Variants in PAPPA observed in about 807,000 individuals in gnomAD.
PAPPA encodes the protein pappalysin-1.
Under a neutral mutation model 164.0 loss-of-function variants are expected in PAPPA, and 60 were observed. The ratio of observed to expected loss-of-function variants is 0.37; its 90% confidence interval spans 0.30 to 0.45. PAPPA has a LOEUF of 0.45. Ranked by LOEUF, PAPPA falls within the 20% of genes least tolerant of loss-of-function variation. The pLI, the probability that PAPPA is intolerant of heterozygous loss-of-function variation, is 1.00. For missense variants in PAPPA, 1,782 were observed against 2,087.3 expected, an observed-to-expected ratio of 0.85 and a Z score of 2.85; for synonymous variants, 875 against 814.1, an observed-to-expected ratio of 1.07 and a Z score of -1.27.
chr9:116,305,284 A>G (rs2118896688), intron 10 of PAPPA, among the ~76,000 whole-genome samples: 1 of 152,266 alleles, frequency 6.6e-6, no homozygotes, highest in Non-Finnish European at 1.5e-5. Flanking sequence ...ATTACCTTGT[A>G]CAGTGATTAG....
At chr9:116,214,305 C>T (rs2118691127) in intron 4 of PAPPA, among the ~76,000 whole-genome samples, 1 of 152,184 alleles carries the variant, frequency 6.6e-6, no homozygotes, top group Admixed American at 6.5e-5. Context: ...GTGTGACATG[C>T]CGGACACTGT....
At position 116,154,205 on chromosome 9, in the gene PAPPA, G is replaced by T; in HGVS notation, c.33G>T (p.Gly11=). 2 of 1,479,920 alleles carry T rather than the reference G, an allele frequency of 1.4e-6. No homozygotes were observed. Among genetic ancestry groups the T allele is most frequent in the South Asian group, 1.2e-5 (1 of 82,780 alleles). The allele number at this position is 1,479,920 out of a possible 1,614,324, so 91.7% of individuals were successfully genotyped here. A position where few individuals can be genotyped will look rare whatever the true frequency, so the allele number is the denominator to read the frequency against. ...TCTGGAGTTGGGTGCTGCACCTGGG[G>T]CTGCTGAGCGCCGCGCTGGGCTGCG... The part of the protein sequence containing the change: MRLWSWVLHL[G]LLSAALGCGL... The change falls in exon 1 of 22, where the codon GGG becomes GGT. Residue 11 remains glycine, a synonymous_variant. Transcript: ENST00000328252. This position sits in a 1 kb window ranked among gnomAD's most constrained non-coding sequence, Gnocchi z 5.2.
At chr9:116,160,834 G>A (rs972148148) in intron 1 of PAPPA, among the ~76,000 whole-genome samples, 3 of 152,212 alleles carry the variant, frequency 2.0e-5, no homozygotes, top group Non-Finnish European at 4.4e-5. Context: ...GCTGAGAACC[G>A]ACTTGTAAGT....
intron 1 of PAPPA, among the ~76,000 whole-genome samples, chr9:116,171,517 T>C (rs1352827059): frequency 7.3e-6 from 1 of 136,776 alleles, no homozygotes. Flanking sequence ...CTGTCCACCC[T>C]TACAAAGCCC....
In PAPPA at chr9:116,154,622, C is replaced by G; in HGVS notation, c.415+35C>G. 2 of 1,289,844 alleles carry G rather than the reference C, an allele frequency of 1.6e-6. No homozygotes were observed. Among genetic ancestry groups the G allele is most frequent in the African/African-American group, 1.5e-5 (1 of 64,668 alleles). 79.9% of individuals were successfully genotyped at this position (1,289,844 alleles called of 1,614,324 possible). On this transcript the variant is annotated intron_variant, in intron 1 of 21. Coordinates refer to ENST00000328252, the MANE Select transcript of PAPPA (RefSeq NM_002581.5). This position sits in a 1 kb window ranked among gnomAD's most constrained non-coding sequence, Gnocchi z 5.2. ...GGCGCCTCGGCGGGCGCTGCACCGT[C>G]CCTGCGGCCCCAGAGGCTCGCGGGT... is the stretch of plus-strand genomic sequence containing the variant.
chr9:116,196,891 C>G (rs964929124), intron 2 of PAPPA, among the ~76,000 whole-genome samples: 5 of 152,198 alleles, frequency 3.3e-5, no homozygotes, highest in Non-Finnish European at 7.3e-5. Flanking sequence ...AACTGCAGCT[C>G]TTAGCCTTGA....
intron 2 of PAPPA, among the ~76,000 whole-genome samples, chr9:116,192,957 T>C (rs1844061055): frequency 6.6e-6 from 1 of 152,140 alleles, no homozygotes; most frequent in African/African-American, 2.4e-5. Context: ...GTTTGGACCC[T>C]TCCAAACCCT....
chr9:116,200,154 G>A (rs948460173), intron 2 of PAPPA, among the ~76,000 whole-genome samples: 28 of 152,252 alleles, frequency 1.8e-4, no homozygotes, highest in African/African-American at 6.5e-4. Flanking sequence ...GCAAGTGAGG[G>A]CTTGTAATGT....
At chr9:116,395,098 C>T (rs1846945389) in intron 21 of PAPPA, among the ~76,000 whole-genome samples, 1 of 152,018 alleles carries the variant, frequency 6.6e-6, no homozygotes, top group Non-Finnish European at 1.5e-5. Context: ...TTCCTTATCA[C>T]AACCTCAGGA....
chr9:116,221,483 C>T (rs1484564777), intron 5 of PAPPA, among the ~76,000 whole-genome samples: 2 of 152,162 alleles, frequency 1.3e-5, no homozygotes, highest in African/African-American at 4.8e-5. Context: ...GCTTTACATA[C>T]AGAATCTCAT....
chr9:116,196,161 A>G (rs1013610578), intron 2 of PAPPA, among the ~76,000 whole-genome samples: 1 of 152,124 alleles, frequency 6.6e-6, no homozygotes, highest in Non-Finnish European at 1.5e-5. Flanking sequence ...TATATTCTCA[A>G]AGTTTACAGA....
intron 9 of PAPPA, among the ~76,000 whole-genome samples, chr9:116,293,797 A>G (rs1845466707): frequency 6.6e-6 from 1 of 152,104 alleles, no homozygotes; most frequent in South Asian, 2.1e-4. Flanking sequence ...TCTATTCAAA[A>G]TACAAAAAAT....
chr9:116,333,061 G>A (rs775111748), intron 12 of PAPPA, among the ~76,000 whole-genome samples: 7 of 152,122 alleles, frequency 4.6e-5, no homozygotes, highest in Non-Finnish European at 8.8e-5. Context: ...TGAGTGCAGG[G>A]CCAAGGGGGA....
chr9:116,383,811 T>TTGA (rs1393484637), intron 21 of PAPPA, among the ~76,000 whole-genome samples: 10 of 152,194 alleles, frequency 6.6e-5, no homozygotes, highest in African/African-American at 2.4e-4. Context: ...TGATTTTTGA[T>TTGA]TGATAGGACA....
At chr9:116,357,034 A>T (rs1846363473) in intron 17 of PAPPA, among the ~76,000 whole-genome samples, 1 of 152,224 alleles carries the variant, frequency 6.6e-6, no homozygotes, top group Non-Finnish European at 1.5e-5. Flanking sequence ...TAGAGAGACC[A>T]GCATGAGCTT....
chr9:116,165,749 T>A (rs972422188), intron 1 of PAPPA, among the ~76,000 whole-genome samples: 78 of 152,184 alleles, frequency 5.1e-4, no homozygotes, highest in African/African-American at 1.8e-3. Context: ...ATCTTCTATT[T>A]CCAGTGCACC....
intron 9 of PAPPA, among the ~76,000 whole-genome samples, chr9:116,272,271 G>A (rs1203766455): frequency 6.6e-6 from 1 of 152,160 alleles, no homozygotes; most frequent in East Asian, 1.9e-4. Flanking sequence ...AATCCCCTGG[G>A]CTGGAGGTGA....
chr9:116,263,829 A>T (rs1285555468), intron 7 of PAPPA, among the ~76,000 whole-genome samples: 1 of 152,198 alleles, frequency 6.6e-6, no homozygotes, highest in Admixed American at 6.5e-5. Flanking sequence ...GGAGCAAAAC[A>T]TTCACAAATA....
In PAPPA at chr9:116,387,013, T is replaced by C. The variant is rs142140098; in HGVS notation, c.4776+4520T>C. ...CTGCTGGACCTGTTTAGGTCCCACT[T>C]GTCCCCTCAGCCCCAGTCCCATATC... On this transcript the variant is annotated intron_variant, in intron 21 of 21. Coordinates refer to ENST00000328252, the MANE Select transcript of PAPPA (RefSeq NM_002581.5). Among the ~76,000 whole-genome samples the C allele has an allele frequency of 1.3e-3, 202 of 152,180 alleles. 1 individual carries two copies. The highest frequency in any genetic ancestry group is 4.7e-3 in the African/African-American group (197 of 41,542).
Sources: allele counts gnomAD v4.1 joint callset (sites outside exome capture counted in the v4.1 genomes callset), GRCh38; gene constraint gnomAD v4.1.1; non-coding constraint Gnocchi (gnomAD v3.1); transcripts MANE v1.5; gene names NCBI Gene and HGNC (gene_info 2026-07-23, HGNC 2026-07-21).